The following FANCA variants were observed in gnomAD, a reference collection of about 807,000 sequenced individuals.
The protein encoded by FANCA is FA complementation group A, also known as Fanconi anemia group A protein.
Under a neutral mutation model 194.3 loss-of-function variants are expected in FANCA, and 236 were observed. That is an observed-to-expected ratio of 1.21 (90% CI 1.09 to 1.35). The LOEUF (loss-of-function observed/expected upper bound fraction) is 1.35, where lower values mean the gene tolerates loss of function less well. FANCA is among the 40% of genes most tolerant of loss of function. The pLI is 0.00. For missense variants in FANCA, 2,628 were observed against 1,813.9 expected (o/e 1.45, Z -8.15); for synonymous variants, 1,014 against 715.8 (o/e 1.42, Z -6.65).
rs17227015 is a variant in FANCA at position 89,752,580 on chromosome 16, T to C, written c.2982-358A>G. Among the ~76,000 whole-genome samples the C allele has an allele frequency of 7.1e-3, 1,080 of 152,358 alleles. 15 individuals carry two copies. Among genetic ancestry groups the C allele is most frequent in the African/African-American group, 0.025 (1,038 of 41,582 alleles). The stretch of plus-strand genomic sequence containing the variant: ...TCTTAGATATGATTACATATGAATA[T>C]CATTAATCATTAGTTGGTAGCAATT... On this transcript the variant is annotated intron_variant, in intron 30 of 42. Coordinates refer to ENST00000389301, the MANE Select transcript of FANCA (RefSeq NM_000135.4).
At chr16:89,787,328 C>G (rs2039932031) in intron 14 of FANCA, among the ~76,000 whole-genome samples, 1 of 152,084 alleles carries the variant, frequency 6.6e-6, no homozygotes, top group African/African-American at 2.4e-5. Context: ...TCGAGACCAT[C>G]CTGGCTAACC....
chr16:89,788,712 A>ACT (rs2039974630), intron 14 of FANCA, among the ~76,000 whole-genome samples: 1 of 151,944 alleles, frequency 6.6e-6, no homozygotes, highest in Non-Finnish European at 1.5e-5. Context: ...AGGCAGGAGG[A>ACT]CTGCTTGACC....
At chr16:89,771,217 G>T (rs980202423) in intron 23 of FANCA, among the ~76,000 whole-genome samples, 4 of 150,746 alleles carry the variant, frequency 2.7e-5, no homozygotes, top group African/African-American at 9.8e-5. Flanking sequence ...CCAACACTTT[G>T]GGAGGCTGAG....
intron 37 of FANCA, among the ~76,000 whole-genome samples, chr16:89,742,156 T>C (rs1223952373): frequency 6.6e-6 from 1 of 151,996 alleles, no homozygotes; most frequent in Non-Finnish European, 1.5e-5. Context: ...TTTGTGTTTT[T>C]AGTAGAGACA....
intron 27 of FANCA, among the ~76,000 whole-genome samples, chr16:89,765,316 C>G (rs1464154177): frequency 6.7e-6 from 1 of 148,918 alleles, no homozygotes; most frequent in African/African-American, 2.5e-5. Flanking sequence ...TGGGAGGGCA[C>G]AACACACAAC....
intron 14 of FANCA, among the ~76,000 whole-genome samples, chr16:89,786,076 C>A (rs546081327): frequency 7.0e-6 from 1 of 142,278 alleles, no homozygotes; most frequent in African/African-American, 2.7e-5. Flanking sequence ...TGGAGTGCAA[C>A]GGTGCAATCA....
At chr16:89,802,228 G>T (rs2040481315) in intron 8 of FANCA, among the ~76,000 whole-genome samples, 2 of 151,050 alleles carry the variant, frequency 1.3e-5, no homozygotes, top group African/African-American at 4.9e-5. Context: ...CTCCACGCCT[G>T]TAGCTGGGAC....
intron 3 of FANCA, 111 bp downstream of exon 3, chr16:89,814,394 ACTACACACACCAGTG>A: frequency 1.5e-6 from 1 of 674,922 alleles, no homozygotes; most frequent in Admixed American, 2.8e-5. Context: ...AGAATTTGCG[ACTACACACACCAGTG>A]GAAACCCATC....
chr16:89,791,842 G>T, intron 13 of FANCA, 85 bp downstream of exon 13: 1 of 1,545,548 alleles, frequency 6.5e-7, no homozygotes, highest in Non-Finnish European at 8.9e-7. Context: ...TCACTGAGAG[G>T]CTCACCCACA....
At chr16:89,769,421 G>A (rs1015715027) in intron 26 of FANCA, among the ~76,000 whole-genome samples, 2 of 152,130 alleles carry the variant, frequency 1.3e-5, no homozygotes, top group South Asian at 2.1e-4. Context: ...CCCATCTGCT[G>A]AGCCCTAGAG....
chr16:89,758,221 T>C (rs1412820570), intron 30 of FANCA, among the ~76,000 whole-genome samples: 3 of 152,366 alleles, frequency 2.0e-5, no homozygotes, highest in Non-Finnish European at 4.4e-5. Context: ...AGCTTGGCTT[T>C]ATTTTGTATT....
At chr16:89,748,409 T>A (rs1159167383) in intron 33 of FANCA, among the ~76,000 whole-genome samples, 1 of 152,220 alleles carries the variant, frequency 6.6e-6, no homozygotes, top group African/African-American at 2.4e-5. Context: ...TCATTAAAAC[T>A]TGAGGGAAAC....
At chr16:89,754,305 AG>A (rs928698306) in intron 30 of FANCA, among the ~76,000 whole-genome samples, 1 of 152,116 alleles carries the variant, frequency 6.6e-6, no homozygotes, top group Non-Finnish European at 1.5e-5. Context: ...AACAAGAAAA[AG>A]AAAAAGCATC....
chr16:89,757,193 C>T (rs1396260796), intron 30 of FANCA, among the ~76,000 whole-genome samples: 1 of 152,072 alleles, frequency 6.6e-6, no homozygotes. Context: ...AGCTCCTGAG[C>T]TCAGATGATC....
At chr16:89,805,097 T>C (rs1256381426) in intron 7 of FANCA, among the ~76,000 whole-genome samples, 183 bp downstream of exon 7, 1 of 152,144 alleles carries the variant, frequency 6.6e-6, no homozygotes, top group Non-Finnish European at 1.5e-5. Flanking sequence ...CTTACTAGTA[T>C]TTCCACATCA....
At chr16:89,777,231 G>C (rs1164647181) in intron 20 of FANCA, among the ~76,000 whole-genome samples, 1 of 149,540 alleles carries the variant, frequency 6.7e-6, no homozygotes, top group Non-Finnish European at 1.5e-5. Flanking sequence ...AGGAGATCAA[G>C]GCTGGCTGGG....
At position 89,804,784 on chromosome 16, in the gene FANCA, A is replaced by G. The variant is rs528629184; in HGVS notation, c.709+496T>C. ...CATAGTGGCTCACGCCTATAATCCC[A>G]GCACTTTGGGAGGCCGAGGGGGGTG... On this transcript the variant is annotated intron_variant, in intron 7 of 42. Transcript: ENST00000389301. Among the ~76,000 whole-genome samples, 4 of 152,254 alleles carry G rather than the reference A, an allele frequency of 2.6e-5. No individual in the cohort carries two copies. In the East Asian group the frequency reaches 7.7e-4, roughly 29 times the overall value.
At chr16:89,748,147 A>T (rs1196305705) in intron 33 of FANCA, among the ~76,000 whole-genome samples, 2 of 152,224 alleles carry the variant, frequency 1.3e-5, no homozygotes, top group Non-Finnish European at 2.9e-5. Flanking sequence ...CCTGGGCTCA[A>T]GTGATCCCCC....
chr16:89,803,142 T>A lies in FANCA; in HGVS notation c.792+117A>T, dbSNP rs17225950. 4,681 of 997,902 alleles carry A rather than the reference T, an allele frequency of 4.7e-3. 15 individuals are homozygous for A. Among genetic ancestry groups the A allele is most frequent in the Non-Finnish European group, 5.9e-3 (3,691 of 624,154 alleles). The allele number at this position is 997,902 out of a possible 1,614,324, so 61.8% of individuals were successfully genotyped here. ...CTATGCACAAAACAAGTATCACATGTACCCCGTAAATAGGTACAAACAGCA... is the reference window on the plus strand; with the variant it reads ...CTATGCACAAAACAAGTATCACATGAACCCCGTAAATAGGTACAAACAGCA... On this transcript the variant is annotated intron_variant, in intron 8 of 42. Coordinates refer to ENST00000389301, the MANE Select transcript of FANCA (RefSeq NM_000135.4).
Sources: gnomAD v4.1 joint callset for allele counts (sites outside exome capture counted in the v4.1 genomes callset) on GRCh38, gnomAD v4.1.1 for gene constraint, MANE v1.5 for transcripts, NCBI Gene and HGNC (gene_info 2026-07-23, HGNC 2026-07-21) for gene names.